Variants in VAPB observed in about 807,000 individuals in gnomAD.
VAPB encodes the protein VAMP associated protein B and C.
A neutral mutation model predicts 25.6 loss-of-function variants in VAPB; 7 were observed. That is an observed-to-expected ratio of 0.27 (90% confidence interval 0.16 to 0.51). The LOEUF (loss-of-function observed/expected upper bound fraction) is 0.51, where lower values mean the gene tolerates loss of function less well. VAPB is among the 20% of genes least tolerant of loss of function. VAPB has a pLI of 0.97. For missense variants in VAPB, 266 were observed against 301.3 expected (o/e 0.88, Z 0.87); for synonymous variants, 112 against 109.2 (o/e 1.03, Z -0.16).
intron 4 of VAPB, chr20:58,439,508 G>C (rs775216188): frequency 8.6e-5 from 16 of 186,482 alleles, no homozygotes; most frequent in Non-Finnish European, 1.7e-4. Flanking sequence ...CCTCAACACT[G>C]TTGATATTTG....
In VAPB at chr20:58,444,262, G is replaced by C; in HGVS notation, c.*27G>C. 6.2e-7 allele frequency: 1 copy of C among 1,614,058 alleles called. No individual in the cohort carries two copies. The highest frequency in any genetic ancestry group is 8.5e-7 in the Non-Finnish European group (1 of 1,180,000). On this transcript the variant is annotated 3_prime_UTR_variant, in exon 6 of 6. Transcript: ENST00000475243. Reference sequence around the variant, plus strand: ...GGTAGCATGCACAGGATGGTAAATTGGATTGGTGGATCCACCATATCATGG... The same window carrying C: ...GGTAGCATGCACAGGATGGTAAATTCGATTGGTGGATCCACCATATCATGG...
At chr20:58,436,866 T>G (rs186603009) in intron 3 of VAPB, among the ~76,000 whole-genome samples, 288 of 152,214 alleles carry the variant, frequency 1.9e-3, no homozygotes, top group African/African-American at 6.6e-3. Flanking sequence ...CTATTAATCA[T>G]AGCTGAAAAA....
chr20:58,424,386 C>T lies in VAPB; in HGVS notation c.211+6023C>T, dbSNP rs945739422. ...CATAGCAGACAGTGGACGGGCTGGG[C>T]AAGAACACCACCGAGAGCAAGTGCA... On this transcript the variant is annotated intron_variant, in intron 2 of 5. Transcript: ENST00000475243. Among the ~76,000 whole-genome samples, 3 of 143,712 alleles carry T rather than the reference C, an allele frequency of 2.1e-5. No homozygotes were observed. The East Asian group carries it at 6.2e-4, about 30-fold the overall frequency. 94.3% of individuals were successfully genotyped at this position (143,712 alleles called of 152,430 possible).
intron 3 of VAPB, among the ~76,000 whole-genome samples, chr20:58,436,965 A>T (rs1301195157): frequency 6.9e-6 from 1 of 144,070 alleles, no homozygotes. Context: ...GAGGACACCC[A>T]AACCTTTTTG....
intron 2 of VAPB, among the ~76,000 whole-genome samples, chr20:58,419,941 G>A (rs1988633558): frequency 6.6e-6 from 1 of 152,004 alleles, no homozygotes; most frequent in Admixed American, 6.6e-5. Flanking sequence ...TGTGTTTTCT[G>A]ATATAAAATA....
At chr20:58,427,490 G>C (rs1988823792) in intron 2 of VAPB, among the ~76,000 whole-genome samples, 1 of 152,060 alleles carries the variant, frequency 6.6e-6, no homozygotes, top group African/African-American at 2.4e-5. Flanking sequence ...TCCGTGATCT[G>C]TTACCATTAT....
At chr20:58,444,000 C>T in intron 5 of VAPB, 77 bp from the exon 6 acceptor site, 7 of 1,603,128 alleles carry the variant, frequency 4.4e-6, no homozygotes, top group Non-Finnish European at 6.0e-6. Flanking sequence ...ATAAACAGCC[C>T]ATCCCGTTAA....
rs1025923724 is a variant in VAPB at position 58,447,483 on chromosome 20, C to T, written c.*3248C>T. On this transcript the variant is annotated 3_prime_UTR_variant, in exon 6 of 6. Transcript: ENST00000475243. Reference sequence around the variant, plus strand: ...ACACAGAAGGGGGAAAAATGAAGAACCTCCAGTGATCCGTGAAAACCTAAA... The same window carrying T: ...ACACAGAAGGGGGAAAAATGAAGAATCTCCAGTGATCCGTGAAAACCTAAA... 4 of 453,954 alleles carry T rather than the reference C, an allele frequency of 8.8e-6. No homozygotes were observed. The highest frequency in any genetic ancestry group is 1.8e-5 in the Non-Finnish European group (4 of 226,794). 28.1% of individuals were successfully genotyped at this position (453,954 alleles called of 1,614,324 possible). A position where few individuals can be genotyped will look rare whatever the true frequency, so the allele number is the denominator to read the frequency against.
At chr20:58,392,206 G>A (rs1296352057) in intron 1 of VAPB, among the ~76,000 whole-genome samples, 1 of 152,218 alleles carries the variant, frequency 6.6e-6, no homozygotes, top group Admixed American at 6.5e-5. Flanking sequence ...CTTGTAGAAC[G>A]TGTTTAGAAG....
intron 3 of VAPB, among the ~76,000 whole-genome samples, chr20:58,436,715 A>T (rs1337872695): frequency 6.6e-6 from 1 of 152,038 alleles, no homozygotes; most frequent in Non-Finnish European, 1.5e-5. Context: ...TATAACTTTT[A>T]CCTAGATTTA....
intron 1 of VAPB, among the ~76,000 whole-genome samples, chr20:58,397,454 G>A (rs1987987782): frequency 6.6e-6 from 1 of 151,988 alleles, no homozygotes; most frequent in African/African-American, 2.4e-5. Context: ...GGAAGACGGA[G>A]GTTGCGGTGA....
Position 58,446,230 on chromosome 20 carries a change from A to G in VAPB, c.*1995A>G. The G allele has an allele frequency of 2.2e-6, 1 of 454,078 alleles. No homozygotes were observed. Among genetic ancestry groups the G allele is most frequent in the Non-Finnish European group, 4.4e-6 (1 of 226,780 alleles). 28.1% of individuals were successfully genotyped at this position (454,078 alleles called of 1,614,324 possible). On this transcript the variant is annotated 3_prime_UTR_variant, in exon 6 of 6. Coordinates refer to ENST00000475243, the MANE Select transcript of VAPB (RefSeq NM_004738.5). ...CCCATGTGTCCCCCAGTACTTATAA[A>G]AGGGAGTGAAAAGACCGAGCTGTAA... is the stretch of plus-strand genomic sequence containing the variant.
intron 1 of VAPB, among the ~76,000 whole-genome samples, chr20:58,406,717 CT>C (rs1046467808): frequency 6.6e-6 from 1 of 152,166 alleles, no homozygotes; most frequent in Admixed American, 6.5e-5. Context: ...TTGTTAATGA[CT>C]TTTTGCACTT....
At chr20:58,438,294 T>C (rs1001795806) in intron 3 of VAPB, among the ~76,000 whole-genome samples, 1 of 152,228 alleles carries the variant, frequency 6.6e-6, no homozygotes, top group African/African-American at 2.4e-5. Context: ...TTTATTATTT[T>C]TGAGACAGAG....
chr20:58,428,202 C>T (rs1988849670), intron 2 of VAPB, among the ~76,000 whole-genome samples: 1 of 152,174 alleles, frequency 6.6e-6, no homozygotes, highest in African/African-American at 2.4e-5. Context: ...TTTATGACCC[C>T]AAAGGCCCTT....
rs1808539662 is a variant in VAPB, at chr20:58,449,230, C to T, written c.*4995C>T. 1 of 454,024 alleles carries T rather than the reference C, an allele frequency of 2.2e-6. No homozygotes were observed. The highest frequency in any genetic ancestry group is 2.0e-5 in the African/African-American group (1 of 50,014). The allele number at this position is 454,024 out of a possible 1,614,324, so 28.1% of individuals were successfully genotyped here. ...ACATTAGCTGAGCTGCACAAGCTCA[C>T]CCACCCCTGTGCCAGGGGGCCCTGA... is the stretch of plus-strand genomic sequence containing the variant. On this transcript the variant is annotated 3_prime_UTR_variant, in exon 6 of 6. Transcript: ENST00000475243.
chr20:58,393,093 G>C (rs777546323), intron 1 of VAPB, among the ~76,000 whole-genome samples: 53 of 152,132 alleles, frequency 3.5e-4, no homozygotes, highest in Non-Finnish European at 7.1e-4. Context: ...GAGGGCAGTG[G>C]TGCCATCATA....
chr20:58,429,064 G>A (rs570978849), intron 2 of VAPB, among the ~76,000 whole-genome samples: 26 of 152,184 alleles, frequency 1.7e-4, no homozygotes, highest in African/African-American at 5.5e-4. Flanking sequence ...GATTGTAGGC[G>A]TGTAAATGCG....
intron 1 of VAPB, among the ~76,000 whole-genome samples, chr20:58,413,839 C>T (rs1215393325): frequency 7.1e-6 from 1 of 140,084 alleles, no homozygotes; most frequent in East Asian, 2.2e-4. Context: ...CCCGCCACCT[C>T]CCTCCCAGAT....
Sources: allele counts gnomAD v4.1 joint callset (sites outside exome capture counted in the v4.1 genomes callset), GRCh38; gene constraint gnomAD v4.1.1; transcripts MANE v1.5; gene names NCBI Gene and HGNC (gene_info 2026-07-23, HGNC 2026-07-21).